The following SLC25A14 variants were observed in gnomAD, a reference collection of about 807,000 sequenced individuals.
The protein encoded by SLC25A14 is solute carrier family 25 member 14, also known as brain mitochondrial carrier protein 1.
In SLC25A14, 8 loss-of-function variants were observed where a neutral mutation model predicts 28.1. The ratio of observed to expected loss-of-function variants is 0.28; its 90% confidence interval spans 0.17 to 0.51. The LOEUF (loss-of-function observed/expected upper bound fraction) is 0.51, where lower values mean the gene tolerates loss of function less well. SLC25A14 is among the 20% of genes least tolerant of loss of function. The pLI, the probability that SLC25A14 is intolerant of heterozygous loss-of-function variation, is 0.97. For missense variants in SLC25A14, 135 were observed against 263.8 expected (o/e 0.51, Z 3.38); for synonymous variants, 74 against 90.6 (o/e 0.82, Z 1.04).
chrX:130,350,594 C>T, intron 5 of SLC25A14, 52 bp from the exon 6 acceptor site: 1 of 778,647 alleles, frequency 1.3e-6, no homozygotes, highest in Non-Finnish European at 1.9e-6. Flanking sequence ...AGTATGTACT[C>T]AAACTGGTGC....
At chrX:130,365,103 A>T (rs1246632422) in intron 8 of SLC25A14, 6 of 801,354 alleles carry the variant, frequency 7.5e-6, no homozygotes, top group African/African-American at 4.5e-5. Context: ...TCAGAAAAAA[A>T]GGGGTAAATA....
Position 130,365,521 on chromosome X carries a change from A to G in SLC25A14, c.720-20A>G, listed in dbSNP as rs750613560. ...CAGGGAGTGAAAGTGGGGTCGATCT[A>G]CTTAAACTTTTCCTCTTAGTTCCAG... is the stretch of plus-strand genomic sequence containing the variant. On this transcript the variant is annotated intron_variant, in intron 8 of 10. Transcript: ENST00000545805. The G allele has an allele frequency of 5.0e-6, 6 of 1,209,107 alleles. No homozygotes were observed. In the African/African-American group the frequency reaches 1.0e-4, roughly 21 times the overall value.
chrX:130,373,047 C>T lies in SLC25A14; in HGVS notation c.*97C>T. ...ATTTTGACAATGTTGTAAGTGTTTA[C>T]CAAGCCGTTGGTCTCCTAAGGGCCT... is the stretch of plus-strand genomic sequence containing the variant. On this transcript the variant is annotated 3_prime_UTR_variant, in exon 11 of 11. Transcript: ENST00000545805. 1.4e-6 allele frequency: 1 copy of T among 690,854 alleles called. No individual in the cohort carries two copies. The highest frequency in any genetic ancestry group is 2.2e-6 in the Non-Finnish European group (1 of 452,096). 56.9% of individuals were successfully genotyped at this position (690,854 alleles called of 1,213,427 possible). A position where few individuals can be genotyped will look rare whatever the true frequency, so the allele number is the denominator to read the frequency against.
intron 6 of SLC25A14, among the ~76,000 whole-genome samples, chrX:130,353,740 A>G (rs1322175004): frequency 8.9e-6 from 1 of 111,778 alleles, no homozygotes; most frequent in Non-Finnish European, 1.9e-5. Flanking sequence ...TCTCATCCAG[A>G]TTTTACAAGA....
At position 130,346,487 on chromosome X, in the gene SLC25A14, C is replaced by T. The variant is rs1408073945; in HGVS notation, c.170-57C>T. The T allele has an allele frequency of 6.8e-6, 7 of 1,036,657 alleles. No individual in the cohort carries two copies. In the African/African-American group the frequency reaches 1.3e-4, roughly 19 times the overall value. The allele number at this position is 1,036,657 out of a possible 1,213,427, so 85.4% of individuals were successfully genotyped here. On this transcript the variant is annotated intron_variant, in intron 3 of 10. Transcript: ENST00000545805. ...AATATTGTCCTTGGCTTATATTTAG[C>T]AACAACTTAACTGTGATTCTTTGGA...
chrX:130,370,831 A>G (rs2034245621), intron 9 of SLC25A14, among the ~76,000 whole-genome samples: 1 of 112,253 alleles, frequency 8.9e-6, no homozygotes, highest in Admixed American at 9.5e-5. Flanking sequence ...TAGGTTACCT[A>G]TTGCTGTGTA....
chrX:130,358,898 A>T, intron 7 of SLC25A14, 163 bp downstream of exon 7: 1 of 684,337 alleles, frequency 1.5e-6, no homozygotes, highest in East Asian at 3.7e-5. Flanking sequence ...TTGGCCTTTT[A>T]TTTCTGCATA....
At chrX:130,348,565 CTT>C (rs1223671972) in intron 4 of SLC25A14, among the ~76,000 whole-genome samples, 2 of 109,374 alleles carry the variant, frequency 1.8e-5, no homozygotes, top group East Asian at 5.7e-4. Flanking sequence ...CATCTTCTGT[CTT>C]TTTATCTTTG....
chrX:130,346,764 T>C, intron 4 of SLC25A14, 73 bp downstream of exon 4: 1 of 922,865 alleles, frequency 1.1e-6, no homozygotes, highest in Non-Finnish European at 1.5e-6. Flanking sequence ...AGCTGTCTGA[T>C]AGTTTGTGTC....
intron 8 of SLC25A14, 96 bp downstream of exon 8, chrX:130,364,848 C>T (rs182448958): frequency 1.4e-5 from 16 of 1,133,410 alleles, no homozygotes; most frequent in East Asian, 1.3e-4. Context: ...ATAACTGGTA[C>T]GTATGGCCTA....
At chrX:130,344,103 G>A (rs1255307515) in intron 2 of SLC25A14, among the ~76,000 whole-genome samples, 2 of 112,575 alleles carry the variant, frequency 1.8e-5, no homozygotes, top group East Asian at 5.5e-4. Context: ...AAATCTGAGA[G>A]TCCATGCTAA....
At chrX:130,369,298 A>G (rs1041625498) in intron 9 of SLC25A14, among the ~76,000 whole-genome samples, 1 of 111,257 alleles carries the variant, frequency 9.0e-6, no homozygotes, top group Non-Finnish European at 1.9e-5. Context: ...TTAAAAAAAA[A>G]AAGATCCAGA....
chrX:130,339,960 C>G lies in SLC25A14; in HGVS notation c.-189C>G, dbSNP rs916279802. 1.2e-6 allele frequency: 1 copy of G among 859,090 alleles called. No homozygotes were observed. The highest frequency in any genetic ancestry group is 1.4e-6 in the Non-Finnish European group (1 of 708,192). The allele number at this position is 859,090 out of a possible 1,213,427, so 70.8% of individuals were successfully genotyped here. On this transcript the variant is annotated 5_prime_UTR_variant, in exon 1 of 11. Coordinates refer to ENST00000545805, the MANE Select transcript of SLC25A14 (RefSeq NM_001282195.2). ...GTGGGAGCCTCAGCTTCCCAGTCGT[C>G]CGATGAGCCCGAGCAGGTGAGGGGG...
At chrX:130,365,461 C>T in intron 8 of SLC25A14, 80 bp from the exon 9 acceptor site, 1 of 1,178,730 alleles carries the variant, frequency 8.5e-7, no homozygotes, top group East Asian at 3.0e-5. Context: ...TTATATTGTA[C>T]AGTTTACGTT....
At chrX:130,362,172 A>G (rs772482743) in intron 7 of SLC25A14, among the ~76,000 whole-genome samples, 331 of 106,826 alleles carry the variant, frequency 3.1e-3, no homozygotes, top group African/African-American at 0.011. Flanking sequence ...GAGTCTTGCT[A>G]TGTTGCCAGG....
At position 130,372,525 on chromosome X, in the gene SLC25A14, C is replaced by T. The variant is rs759660046; in HGVS notation, c.937-384C>T. Among the ~76,000 whole-genome samples the T allele has an allele frequency of 3.3e-4, 35 of 107,616 alleles. 1 individual carries two copies. The highest frequency in any genetic ancestry group is 1.1e-3 in the African/African-American group (33 of 29,300). The allele number at this position is 107,616 out of a possible 115,157, so 93.5% of individuals were successfully genotyped here. A position where few individuals can be genotyped will look rare whatever the true frequency, so the allele number is the denominator to read the frequency against. ...TCGCCCAGGCTGGAGTGCAGTGGCGCGATCTCGGCTCACTGCAAACTCCAC... is the reference window on the plus strand; with the variant it reads ...TCGCCCAGGCTGGAGTGCAGTGGCGTGATCTCGGCTCACTGCAAACTCCAC... On this transcript the variant is annotated intron_variant, in intron 10 of 10. Transcript: ENST00000545805.
rs1355559877 is a variant in SLC25A14 at position 130,340,151 on chromosome X, T to A, written c.-128T>A. The A allele has an allele frequency of 1.2e-5, 14 of 1,142,132 alleles. No homozygotes were observed. Among genetic ancestry groups the A allele is most frequent in the African/African-American group, 1.8e-5 (1 of 54,663 alleles). 94.1% of individuals were successfully genotyped at this position (1,142,132 alleles called of 1,213,427 possible). On this transcript the variant is annotated 5_prime_UTR_variant, in exon 2 of 11. Coordinates refer to ENST00000545805, the MANE Select transcript of SLC25A14 (RefSeq NM_001282195.2). ...TTCACTCTTCTGGCATCGGTGGTTT[T>A]ACTTCTTCGATTGAACCCTGCTTCC...
chrX:130,363,874 C>CA (rs1457786007), intron 7 of SLC25A14, among the ~76,000 whole-genome samples: 1 of 111,293 alleles, frequency 9.0e-6, no homozygotes, highest in Non-Finnish European at 1.9e-5. Context: ...GCTGGGACTA[C>CA]AGGCACATGC....
At chrX:130,365,788 T>A (rs1361580230) in intron 9 of SLC25A14, 112 bp downstream of exon 9, 21 of 554,338 alleles carry the variant, frequency 3.8e-5, no homozygotes, top group Non-Finnish European at 6.1e-5. Flanking sequence ...AAGAATCATA[T>A]TTTTTTAGTA....
Sources: allele counts gnomAD v4.1 joint callset (sites outside exome capture counted in the v4.1 genomes callset), GRCh38; gene constraint gnomAD v4.1.1; transcripts MANE v1.5; gene names NCBI Gene and HGNC (gene_info 2026-07-23, HGNC 2026-07-21).